Variants in ROCK1 observed in about 807,000 individuals in gnomAD.
ROCK1 encodes the protein rho-associated protein kinase 1.
Under a neutral mutation model 196.8 loss-of-function variants are expected in ROCK1, and 36 were observed. The ratio of observed to expected loss-of-function variants is 0.18; its 90% CI spans 0.14 to 0.24. ROCK1 has a LOEUF of 0.24. ROCK1 is among the 10% of genes least tolerant of loss of function. ROCK1 has a pLI of 1.00. For synonymous variants in ROCK1, 443 were observed against 515.9 expected, an observed-to-expected ratio of 0.86 and a Z score of 1.91; for missense variants, 920 against 1,562.0, an observed-to-expected ratio of 0.59 and a Z score of 6.93.
chr18:21,090,292 T>C (rs2036559308), intron 1 of ROCK1, among the ~76,000 whole-genome samples: 1 of 152,198 alleles, frequency 6.6e-6, no homozygotes, highest in Admixed American at 6.5e-5. Context: ...AGTGTGACCC[T>C]GTCTCTATTA....
chr18:21,042,029 C>A, intron 8 of ROCK1, 68 bp downstream of exon 8: 1 of 1,410,756 alleles, frequency 7.1e-7, no homozygotes, highest in Non-Finnish European at 9.7e-7. Flanking sequence ...CAGATATGGA[C>A]CTTAAAAATG....
At chr18:21,090,409 A>T (rs1437604390) in intron 1 of ROCK1, among the ~76,000 whole-genome samples, 2 of 152,172 alleles carry the variant, frequency 1.3e-5, no homozygotes, top group Non-Finnish European at 2.9e-5. Context: ...GCTGTAGTGA[A>T]TCATGATCCC....
At chr18:20,970,296 C>A in intron 23 of ROCK1, 52 bp downstream of exon 23, 1 of 1,387,800 alleles carries the variant, frequency 7.2e-7, no homozygotes, top group Non-Finnish European at 1.0e-6. Context: ...TAAGATGTGA[C>A]CTATTGTGAT....
At chr18:21,056,952 C>G (rs1043157813) in intron 2 of ROCK1, among the ~76,000 whole-genome samples, 5 of 152,094 alleles carry the variant, frequency 3.3e-5, no homozygotes, top group African/African-American at 1.2e-4. Context: ...ACTCTTTTTT[C>G]AAATGTCACC....
chr18:21,087,222 T>C (rs1011573674), intron 1 of ROCK1, among the ~76,000 whole-genome samples: 6 of 151,878 alleles, frequency 4.0e-5, no homozygotes, highest in Non-Finnish European at 5.9e-5. Context: ...GGAATTACAA[T>C]AAATGTTCAA....
chr18:21,010,554 T>G (rs1195571412), intron 13 of ROCK1, among the ~76,000 whole-genome samples: 1 of 152,230 alleles, frequency 6.6e-6, no homozygotes, highest in Non-Finnish European at 1.5e-5. Flanking sequence ...GATTTTTCTG[T>G]TATTCTCATC....
chr18:20,996,064 C>T (rs1437849017), intron 16 of ROCK1, among the ~76,000 whole-genome samples: 1 of 152,074 alleles, frequency 6.6e-6, no homozygotes, highest in East Asian at 1.9e-4. Context: ...ACCAAAGAAA[C>T]TAAATAAGGC....
chr18:21,000,587 C>A (rs368827741), intron 16 of ROCK1, among the ~76,000 whole-genome samples: 35 of 152,016 alleles, frequency 2.3e-4, no homozygotes, highest in African/African-American at 6.0e-4. Context: ...AACAAAGATG[C>A]CAAGACCATT....
In ROCK1 at chr18:20,951,375, GTC is replaced by G. The variant is rs2035185747; in HGVS notation, c.*7_*8del. On this transcript the variant is annotated 3_prime_UTR_variant, in exon 33 of 33. Coordinates refer to ENST00000399799, the MANE Select transcript of ROCK1 (RefSeq NM_005406.3). ...CCCACACGATTCCACAGGGCACTCA[GTC>G]ACATGGTTAACTGTTGAGGGAGGGG... is the stretch of plus-strand genomic sequence containing the variant. 2.5e-6 allele frequency: 4 copies of G among 1,600,982 alleles called. No homozygotes were observed. The highest frequency in any genetic ancestry group is 3.4e-6 in the Non-Finnish European group (4 of 1,172,898).
intron 1 of ROCK1, among the ~76,000 whole-genome samples, chr18:21,079,574 A>G (rs1303876005): frequency 1.3e-5 from 2 of 152,104 alleles, no homozygotes; most frequent in Non-Finnish European, 2.9e-5. Flanking sequence ...AAGAGGGGAG[A>G]GTAGGACATA....
chr18:20,971,435 C>G (rs2035427293), intron 22 of ROCK1, among the ~76,000 whole-genome samples: 1 of 151,466 alleles, frequency 6.6e-6, no homozygotes, highest in African/African-American at 2.4e-5. Flanking sequence ...TCACGCTGTT[C>G]TAGGAATTAA....
chr18:21,078,031 C>A (rs1287805146), intron 1 of ROCK1, among the ~76,000 whole-genome samples: 2 of 152,004 alleles, frequency 1.3e-5, no homozygotes, highest in South Asian at 4.2e-4. Flanking sequence ...CAGCCATCAG[C>A]AATAAAAAAC....
chr18:21,071,180 GCTTT>G (rs1347047988), intron 1 of ROCK1, among the ~76,000 whole-genome samples: 6 of 105,312 alleles, frequency 5.7e-5, no homozygotes, highest in Non-Finnish European at 7.2e-5. Context: ...CATTTTTTCT[GCTTT>G]TTTTTTTTTT....
intron 19 of ROCK1, among the ~76,000 whole-genome samples, chr18:20,985,026 A>G (rs185369342): frequency 6.6e-6 from 1 of 152,030 alleles, no homozygotes; most frequent in African/African-American, 2.4e-5. Flanking sequence ...ACTTGAGCCT[A>G]CGAGTCAGAG....
chr18:21,076,526 T>C (rs112811448), intron 1 of ROCK1, among the ~76,000 whole-genome samples: 11,422 of 152,042 alleles, frequency 0.075, 616 homozygotes, highest in Admixed American at 0.15. Flanking sequence ...AACAGTTAAA[T>C]GATAAGTTTT....
rs1319648096 is a variant in ROCK1, at chr18:20,984,542, A to T, written c.2305-7T>A. ...GCAGGGTTAGATTCTTAACCTATGA[A>T]TGAGAAAAATAATTGGGATCTTAAA... is the stretch of plus-strand genomic sequence containing the variant. On this transcript the variant is annotated splice_region_variant and splice_polypyrimidine_tract_variant and intron_variant, in intron 19 of 32. Coordinates refer to ENST00000399799, the MANE Select transcript of ROCK1 (RefSeq NM_005406.3). 1 of 1,579,586 alleles carries T rather than the reference A, an allele frequency of 6.3e-7. No homozygotes were observed. Among genetic ancestry groups the T allele is most frequent in the African/African-American group, 1.4e-5 (1 of 72,704 alleles).
At chr18:20,965,552 C>T (rs2035366810) in intron 27 of ROCK1, among the ~76,000 whole-genome samples, 1 of 152,068 alleles carries the variant, frequency 6.6e-6, no homozygotes, top group African/African-American at 2.4e-5. Flanking sequence ...TCTAACCTAC[C>T]AATTCAGTTC....
chr18:20,998,376 C>T (rs1358575504), intron 16 of ROCK1, among the ~76,000 whole-genome samples: 1 of 152,012 alleles, frequency 6.6e-6, no homozygotes, highest in Non-Finnish European at 1.5e-5. Context: ...CTTAATGATA[C>T]ATCTTAAAGA....
intron 29 of ROCK1, among the ~76,000 whole-genome samples, chr18:20,956,477 A>T (rs569826502): frequency 1.3e-5 from 2 of 152,312 alleles, no homozygotes; most frequent in East Asian, 3.9e-4. Context: ...CAGAGGGCTG[A>T]CTGTGTGTAG....
Sources: gnomAD v4.1 joint callset for allele counts (sites outside exome capture counted in the v4.1 genomes callset) on GRCh38, gnomAD v4.1.1 for gene constraint, MANE v1.5 for transcripts, NCBI Gene and HGNC (gene_info 2026-07-23, HGNC 2026-07-21) for gene names.